The following LRRIQ3 variants were observed in gnomAD, a reference collection of about 807,000 sequenced individuals.
LRRIQ3 encodes the protein leucine-rich repeat and IQ domain-containing protein 3.
LRRIQ3 carries 75 observed loss-of-function variants against 59.3 expected under a neutral mutation model. The observed-to-expected ratio is 1.26, with a 90% CI of 1.05 to 1.53. The LOEUF (loss-of-function observed/expected upper bound fraction) is 1.53, where lower values mean the gene tolerates loss of function less well. Ranked by LOEUF, LRRIQ3 falls within the 40% of genes most tolerant of loss-of-function variation. The pLI is 0.00. For synonymous variants in LRRIQ3, 250 were observed against 231.3 expected, an observed-to-expected ratio of 1.08 and a Z score of -0.73; for missense variants, 831 against 710.0, an observed-to-expected ratio of 1.17 and a Z score of -1.94.
chr1:74,140,495 C>G (rs1277071122), intron 4 of LRRIQ3, among the ~76,000 whole-genome samples: 1 of 151,712 alleles, frequency 6.6e-6, no homozygotes, highest in Non-Finnish European at 1.5e-5. Context: ...TTCACTTCTC[C>G]CAGTGACTGA....
chr1:74,132,297 C>T (rs147548820), intron 4 of LRRIQ3, among the ~76,000 whole-genome samples: 5 of 152,052 alleles, frequency 3.3e-5, no homozygotes, highest in Non-Finnish European at 7.4e-5. Context: ...GGCCATATTG[C>T]CCAAGGTAAT....
At chr1:74,170,861 T>C (rs539872025) in intron 3 of LRRIQ3, among the ~76,000 whole-genome samples, 5 of 152,294 alleles carry the variant, frequency 3.3e-5, no homozygotes, top group South Asian at 2.1e-4. Flanking sequence ...TAGTGTTTTA[T>C]AGTTTTCAGT....
intron 4 of LRRIQ3, among the ~76,000 whole-genome samples, chr1:74,117,073 C>T (rs949797437): frequency 1.3e-5 from 2 of 152,046 alleles, no homozygotes; most frequent in Non-Finnish European, 2.9e-5. Flanking sequence ...ATAATCATCA[C>T]AATCAGTAAA....
intron 3 of LRRIQ3, among the ~76,000 whole-genome samples, chr1:74,168,147 C>T (rs1649105020): frequency 6.6e-6 from 1 of 151,900 alleles, no homozygotes; most frequent in African/African-American, 2.4e-5. Context: ...AATTTCATAT[C>T]TAGTTGTTCT....
intron 5 of LRRIQ3, chr1:74,084,222 G>T (rs1373296946): frequency 9.1e-6 from 14 of 1,543,638 alleles, no homozygotes; most frequent in African/African-American, 1.4e-5. Flanking sequence ...TTATCCTGAA[G>T]AAAAATACAG....
chr1:74,097,849 A>C (rs1238046016), intron 5 of LRRIQ3, among the ~76,000 whole-genome samples: 9 of 152,174 alleles, frequency 5.9e-5, no homozygotes, highest in Non-Finnish European at 1.2e-4. Context: ...ACAGACAAGC[A>C]AAAGTTGAGA....
chr1:74,155,765 C>A lies in LRRIQ3; in HGVS notation c.675G>T (p.Trp225Cys). The A allele has an allele frequency of 6.3e-7, 1 of 1,578,508 alleles. No homozygotes were observed. The highest frequency in any genetic ancestry group is 8.6e-7 in the Non-Finnish European group (1 of 1,167,846). ...TTTTTCTAACTAAGAAACCACGTAT[C>A]CATCTTTGAACAATCAAAACTGGTG... ...HNSPVLIVQR[W>C]IRGFLVRKNL... Residue 225 changes from tryptophan to cysteine, a missense_variant, in exon 4 of 8, where the codon TGG (tryptophan) becomes TGT (cysteine). Trp to Cys is a radical substitution (Grantham distance 215). Transcript: ENST00000354431.
At chr1:74,129,543 C>T (rs956301027) in intron 4 of LRRIQ3, among the ~76,000 whole-genome samples, 1 of 152,006 alleles carries the variant, frequency 6.6e-6, no homozygotes, top group Non-Finnish European at 1.5e-5. Context: ...AAGACCAAAG[C>T]CTGGAATCTG....
At chr1:74,059,941 T>C (rs961076366) in intron 6 of LRRIQ3, among the ~76,000 whole-genome samples, 3 of 152,094 alleles carry the variant, frequency 2.0e-5, no homozygotes, top group African/African-American at 7.2e-5. Context: ...CTATTATAAA[T>C]AAAATTGTAT....
intron 4 of LRRIQ3, chr1:74,144,606 T>C (rs980676100): frequency 2.4e-5 from 6 of 250,386 alleles, no homozygotes; most frequent in Admixed American, 1.7e-4. Context: ...ATCTCCATTG[T>C]ATCTTCTGTA....
chr1:74,063,639 TGC>T lies in LRRIQ3; in HGVS notation c.997+11020_997+11021del, dbSNP rs565824834. On this transcript the variant is annotated intron_variant, in intron 6 of 7. Transcript: ENST00000354431. ...TGTTGACTCTTTCATTATTGTGACA[TGC>T]CTCTCTTTATTTCTAGCAACACTGT... Among the ~76,000 whole-genome samples the T allele has an allele frequency of 6.4e-4, 97 of 152,212 alleles. 1 individual carries two copies. In the South Asian group the frequency reaches 0.018, roughly 28 times the overall value.
At chr1:74,154,280 T>G (rs554155064) in intron 4 of LRRIQ3, among the ~76,000 whole-genome samples, 8 of 107,636 alleles carry the variant, frequency 7.4e-5, no homozygotes, top group Admixed American at 1.9e-4. Context: ...AAAAAAAAAA[T>G]GTAATATCTA....
At chr1:74,194,020 A>T (rs1476765697) in intron 1 of LRRIQ3, among the ~76,000 whole-genome samples, 1 of 152,154 alleles carries the variant, frequency 6.6e-6, no homozygotes, top group Non-Finnish European at 1.5e-5. Context: ...TATATTTTTT[A>T]AATACTTTTT....
At chr1:74,132,845 A>G (rs1015862252) in intron 4 of LRRIQ3, among the ~76,000 whole-genome samples, 2 of 152,326 alleles carry the variant, frequency 1.3e-5, no homozygotes, top group South Asian at 2.1e-4. Context: ...AATGGCAACA[A>G]AAGCCAAAAT....
chr1:74,058,233 A>G (rs1041188124), intron 6 of LRRIQ3, among the ~76,000 whole-genome samples: 1 of 152,076 alleles, frequency 6.6e-6, no homozygotes, highest in Admixed American at 6.6e-5. Flanking sequence ...TGTTCATCCA[A>G]AGGAAATGAA....
intron 7 of LRRIQ3, among the ~76,000 whole-genome samples, chr1:74,029,379 G>GATACATCCCATCAATAC (rs1455257235): frequency 6.6e-6 from 1 of 151,186 alleles, no homozygotes; most frequent in Admixed American, 6.6e-5. Context: ...CTTATTTTGA[G>GATACATCCCATCAATAC]GTAATTTATT....
chr1:74,144,075 A>T (rs1404970241), intron 4 of LRRIQ3, among the ~76,000 whole-genome samples: 4 of 151,964 alleles, frequency 2.6e-5, no homozygotes, highest in Non-Finnish European at 5.9e-5. Context: ...AGAATCAACT[A>T]TGATCCATTT....
chr1:74,198,123 T>A lies in LRRIQ3; in HGVS notation c.-128A>T, dbSNP rs1445578644. On this transcript the variant is annotated 5_prime_UTR_variant, in exon 1 of 8. Transcript: ENST00000354431. Reference sequence around the variant, plus strand: ...CTAGAGAAACAAGACAACATCCAAGTTCTCCACATCATGGTTTTCCGGGCG... The same window carrying A: ...CTAGAGAAACAAGACAACATCCAAGATCTCCACATCATGGTTTTCCGGGCG... 8.5e-6 allele frequency: 12 copies of A among 1,419,098 alleles called. No individual in the cohort carries two copies. The highest frequency in any genetic ancestry group is 9.3e-6 in the Non-Finnish European group (10 of 1,075,172). The allele number at this position is 1,419,098 out of a possible 1,614,324, so 87.9% of individuals were successfully genotyped here. A position where few individuals can be genotyped will look rare whatever the true frequency, so the allele number is the denominator to read the frequency against.
In LRRIQ3 at chr1:74,041,217, C is replaced by A. The variant is rs1269487202; in HGVS notation, c.1714G>T (p.Val572Phe). The A allele has an allele frequency of 3.2e-6, 5 of 1,571,114 alleles. No homozygotes were observed. The highest frequency in any genetic ancestry group is 4.3e-6 in the Non-Finnish European group (5 of 1,160,034). The change falls in exon 7 of 8, where the codon GTT (valine) becomes TTT (phenylalanine). Residue 572 changes from valine (V) to phenylalanine (F), a missense_variant. Coordinates refer to ENST00000354431, the MANE Select transcript of LRRIQ3 (RefSeq NM_001105659.2). ...RKNLLKEMKK[V>F]RSQEIYKRHC... is the part of the protein sequence containing the mutation. ...TTATATCTAAATTGTACCTACCTAA[C>A]TTTTTTCATTTCTTTAAGTAAATTC...
Sources: allele counts gnomAD v4.1 joint callset (sites outside exome capture counted in the v4.1 genomes callset), GRCh38; gene constraint gnomAD v4.1.1; transcripts MANE v1.5; gene names NCBI Gene and HGNC (gene_info 2026-07-23, HGNC 2026-07-21).